The following FXYD6 variants were observed in gnomAD, a reference collection of about 807,000 sequenced individuals.
FXYD6 encodes the protein FXYD domain-containing ion transport regulator 6.
A neutral mutation model predicts 16.7 loss-of-function variants in FXYD6; 7 were observed. That is an observed-to-expected ratio of 0.42 (90% CI 0.24 to 0.79). The LOEUF is 0.79. FXYD6 is among the 30% of genes least tolerant of loss of function. The probability of loss-of-function intolerance (pLI) is 0.28; values close to 1 mark genes in which losing one functional copy is unlikely to be tolerated. For missense variants in FXYD6, 111 were observed against 116.2 expected, an observed-to-expected ratio of 0.95 and a Z score of 0.21; for synonymous variants, 49 against 43.0, an observed-to-expected ratio of 1.14 and a Z score of -0.54.
chr11:117,856,940 G>A (rs893940000), intron 1 of FXYD6, among the ~76,000 whole-genome samples: 2 of 152,190 alleles, frequency 1.3e-5, no homozygotes, highest in East Asian at 3.8e-4. Context: ...TTGGGAGGTG[G>A]GCAGAACAGG....
At chr11:117,844,087 A>C (rs1313641463) in intron 1 of FXYD6, 2 of 152,348 alleles carry the variant, frequency 1.3e-5, no homozygotes, top group Admixed American at 1.3e-4. Context: ...CAAGACCCTG[A>C]TTGCCCCCAG....
At chr11:117,857,472 C>T (rs2056760114) in intron 1 of FXYD6, among the ~76,000 whole-genome samples, 1 of 148,962 alleles carries the variant, frequency 6.7e-6, no homozygotes, top group Admixed American at 6.7e-5. Context: ...TGCAGTGGCG[C>T]AATCTTGGCT....
chr11:117,840,684 A>G (rs1303057369), intron 5 of FXYD6, among the ~76,000 whole-genome samples: 5 of 152,122 alleles, frequency 3.3e-5, no homozygotes, highest in African/African-American at 4.8e-5. Flanking sequence ...CTTGGCTATT[A>G]TAGTAAACTA....
At chr11:117,847,815 C>A (rs1565316037) in intron 1 of FXYD6, among the ~76,000 whole-genome samples, 2 of 152,134 alleles carry the variant, frequency 1.3e-5, no homozygotes, top group South Asian at 4.1e-4. Context: ...AATAGTGCGG[C>A]AATAAACATA....
Position 117,857,814 on chromosome 11 carries a change from CAA to C in FXYD6, c.-5-15035_-5-15034del, listed in dbSNP as rs1313481966. ...CGTGCTAAGCAAGACCTCTTGGAGA[CAA>C]AGGACTGGCCCCGAAGGCTTTTTAA... On this transcript the variant is annotated intron_variant, in intron 1 of 7. Transcript: ENST00000526014. Among the ~76,000 whole-genome samples, 4 of 152,108 alleles carry C rather than the reference CAA, an allele frequency of 2.6e-5. No individual in the cohort carries two copies. In the East Asian group the frequency reaches 7.7e-4, roughly 29 times the overall value.
chr11:117,841,621 T>C (rs1167993640), intron 4 of FXYD6, 170 bp downstream of exon 4: 8 of 674,554 alleles, frequency 1.2e-5, no homozygotes, highest in Non-Finnish European at 2.0e-5. Flanking sequence ...ACTGTTTTAC[T>C]GAGCACTTAC....
chr11:117,866,548 G>C (rs1336924581), intron 1 of FXYD6, among the ~76,000 whole-genome samples: 1 of 152,122 alleles, frequency 6.6e-6, no homozygotes, highest in Non-Finnish European at 1.5e-5. Flanking sequence ...GGTAAAGCTG[G>C]GACCCTGGGG....
intron 1 of FXYD6, chr11:117,844,043 G>T (rs1375340112): frequency 4.6e-5 from 7 of 152,290 alleles, no homozygotes; most frequent in African/African-American, 1.2e-4. Flanking sequence ...GGTGAAACTG[G>T]CAGTGGCCTG....
In FXYD6 at chr11:117,852,651, C is replaced by T. The variant is rs148949020; in HGVS notation, c.-5-9870G>A. Reference sequence around the variant, plus strand: ...GTGAGTTTCATCAGACTTGAAAGTCCTTTACCTATAGGTTCATCCTTTTCA... The same window carrying T: ...GTGAGTTTCATCAGACTTGAAAGTCTTTTACCTATAGGTTCATCCTTTTCA... On this transcript the variant is annotated intron_variant, in intron 1 of 7. Coordinates refer to ENST00000526014, the MANE Select transcript of FXYD6 (RefSeq NM_022003.4). 6.1e-3 allele frequency among the ~76,000 whole-genome samples: 929 copies of T among 152,282 alleles called. 9 individuals carry two copies. Among genetic ancestry groups the T allele is most frequent in the African/African-American group, 0.022 (899 of 41,550 alleles).
chr11:117,842,473 G>C (rs1050638328), intron 2 of FXYD6, among the ~76,000 whole-genome samples: 1 of 152,198 alleles, frequency 6.6e-6, no homozygotes, highest in Non-Finnish European at 1.5e-5. Context: ...GTGAGCTTGC[G>C]GGGCTTAAAA....
intron 1 of FXYD6, among the ~76,000 whole-genome samples, chr11:117,853,122 C>T (rs992888876): frequency 3.3e-5 from 5 of 152,170 alleles, no homozygotes; most frequent in Non-Finnish European, 5.9e-5. Flanking sequence ...TCAAAATCTA[C>T]TTTTTGTTTC....
At chr11:117,858,669 TTC>T (rs2056806986) in intron 1 of FXYD6, among the ~76,000 whole-genome samples, 1 of 85,578 alleles carries the variant, frequency 1.2e-5, no homozygotes, top group African/African-American at 5.2e-5. Context: ...CTTTCTTTCT[TTC>T]TTTCTTTCTT....
intron 1 of FXYD6, among the ~76,000 whole-genome samples, chr11:117,860,615 G>C (rs1394017733): frequency 6.6e-6 from 1 of 152,218 alleles, no homozygotes; most frequent in African/African-American, 2.4e-5. Context: ...AGCTGATTAG[G>C]CCGAGGGTGA....
chr11:117,875,341 G>A lies in FXYD6; in HGVS notation c.-6+1251C>T, dbSNP rs919964682. 2.2e-4 allele frequency among the ~76,000 whole-genome samples: 33 copies of A among 151,980 alleles called. 1 individual carries two copies. The highest frequency in any genetic ancestry group is 8.0e-4 in the African/African-American group (33 of 41,342). On this transcript the variant is annotated intron_variant, in intron 1 of 7. Coordinates refer to ENST00000526014, the MANE Select transcript of FXYD6 (RefSeq NM_022003.4). ...GTGTGAAGTGGGTGGTGTGAGTAAG[G>A]GGCCACTGCAATTGGGTGTAGGAGC... is the stretch of plus-strand genomic sequence containing the variant.
chr11:117,869,998 A>T (rs2057100983), intron 1 of FXYD6, among the ~76,000 whole-genome samples: 1 of 152,212 alleles, frequency 6.6e-6, no homozygotes, highest in South Asian at 2.1e-4. Context: ...TCTGGGCCCC[A>T]GCCTGGTCCG....
At position 117,870,821 on chromosome 11, in the gene FXYD6, C is replaced by A. The variant is rs1275299249; in HGVS notation, c.-6+5771G>T. On this transcript the variant is annotated intron_variant, in intron 1 of 7. Transcript: ENST00000526014. This position sits in a 1 kb window ranked among gnomAD's most constrained non-coding sequence, Gnocchi z 4.2. ...GGCCTACACCCCTTCCCATGTAGGG[C>A]TGTCACCAGTGTATGCCCCCATCAC... Among the ~76,000 whole-genome samples, 2 of 152,172 alleles carry A rather than the reference C, an allele frequency of 1.3e-5. No homozygotes were observed. The highest frequency in any genetic ancestry group is 4.8e-5 in the African/African-American group (2 of 41,426).
chr11:117,844,697 T>C (rs1396061367), intron 1 of FXYD6, among the ~76,000 whole-genome samples: 1 of 152,160 alleles, frequency 6.6e-6, no homozygotes, highest in Non-Finnish European at 1.5e-5. Flanking sequence ...GGTTTCACCA[T>C]GTTGGTCAGG....
Position 117,837,109 on chromosome 11 carries a change from C to G in FXYD6, c.*1190G>C, listed in dbSNP as rs561587623. On this transcript the variant is annotated 3_prime_UTR_variant, in exon 8 of 8. Coordinates refer to ENST00000526014, the MANE Select transcript of FXYD6 (RefSeq NM_022003.4). The surrounding 1 kb of genome is among the most constrained non-coding windows in gnomAD (Gnocchi z 4.4). ...GCGGGAACACAGAGGACAGGAGGGG[C>G]GGGATCTGGGTTGAGTTCCCACTCT... 1 of 152,336 alleles carries G rather than the reference C, an allele frequency of 6.6e-6. No homozygotes were observed. The highest frequency in any genetic ancestry group is 1.5e-5 in the Non-Finnish European group (1 of 68,084). The allele number at this position is 152,336 out of a possible 1,614,324, so 9.4% of individuals were successfully genotyped here.
At chr11:117,865,301 A>G (rs942213780) in intron 1 of FXYD6, among the ~76,000 whole-genome samples, 4 of 152,256 alleles carry the variant, frequency 2.6e-5, no homozygotes, top group African/African-American at 9.6e-5. Flanking sequence ...GGAAAACAGT[A>G]CAGTGGTTCC....
Sources: gnomAD v4.1 joint callset for allele counts (sites outside exome capture counted in the v4.1 genomes callset) on GRCh38, gnomAD v4.1.1 for gene constraint, Gnocchi (gnomAD v3.1) non-coding constraint, MANE v1.5 for transcripts, NCBI Gene and HGNC (gene_info 2026-07-23, HGNC 2026-07-21) for gene names.